OCRL: variants seen among roughly 807,000 people sequenced by gnomAD.
OCRL encodes inositol polyphosphate 5-phosphatase OCRL.
OCRL carries 8 observed loss-of-function variants against 78.9 expected under a neutral mutation model. That is an observed-to-expected ratio of 0.10 (90% CI 0.06 to 0.18). The LOEUF (loss-of-function observed/expected upper bound fraction) is 0.18. OCRL is among the 10% of genes least tolerant of loss of function. OCRL has a pLI of 1.00. For missense variants in OCRL, 454 were observed against 696.7 expected, an observed-to-expected ratio of 0.65 and a Z score of 3.92; for synonymous variants, 240 against 235.4, an observed-to-expected ratio of 1.02 and a Z score of -0.18.
chrX:129,583,080 A>G (rs1040372132), intron 18 of OCRL, among the ~76,000 whole-genome samples: 2 of 111,673 alleles, frequency 1.8e-5, no homozygotes, highest in African/African-American at 6.5e-5. Flanking sequence ...CCCATCACCC[A>G]TTGGTTTTAG....
chrX:129,551,712 G>A (rs1360370905), intron 4 of OCRL, among the ~76,000 whole-genome samples: 1 of 112,847 alleles, frequency 8.9e-6, no homozygotes. Context: ...GGGATTACAG[G>A]CGTGAGCCAC....
intron 18 of OCRL, among the ~76,000 whole-genome samples, chrX:129,579,735 T>C (rs1332158486): frequency 8.9e-6 from 1 of 112,273 alleles, no homozygotes; most frequent in East Asian, 2.8e-4. Context: ...GAATATTAAG[T>C]AGCAAATAAT....
At chrX:129,584,054 T>C (rs928720085) in intron 18 of OCRL, among the ~76,000 whole-genome samples, 2 of 111,634 alleles carry the variant, frequency 1.8e-5, no homozygotes, top group African/African-American at 6.5e-5. Context: ...TCAGGGGCAT[T>C]TGGCTGGGTC....
chrX:129,558,056 T>A (rs561478679), intron 6 of OCRL, 106 bp downstream of exon 6: 4 of 570,450 alleles, frequency 7.0e-6, no homozygotes, highest in South Asian at 6.9e-5. Flanking sequence ...TCAGACACAT[T>A]CTCCTGCAGA....
intron 23 of OCRL, 44 bp downstream of exon 23, chrX:129,590,000 C>CT: frequency 1.8e-6 from 2 of 1,131,669 alleles, no homozygotes; most frequent in Non-Finnish European, 2.4e-6. Flanking sequence ...TGAGAATACT[C>CT]TTAGTGCATT....
chrX:129,558,238 C>A lies in OCRL; in HGVS notation c.439+288C>A, dbSNP rs1173714980. Among the ~76,000 whole-genome samples, 4 of 111,846 alleles carry A rather than the reference C, an allele frequency of 3.6e-5. No homozygotes were observed. In the Admixed American group the frequency reaches 3.8e-4, roughly 11 times the overall value. ...AACTTACTAGTTGTACAACCTTCAT[C>A]AAGTTACTCAACAACTCTGAACTTC... On this transcript the variant is annotated intron_variant, in intron 6 of 23. Transcript: ENST00000371113.
At position 129,576,278 on chromosome X, in the gene OCRL, A is replaced by G. The variant is rs771108046; in HGVS notation, c.1880-39A>G. 3.0e-5 allele frequency: 34 copies of G among 1,125,769 alleles called. No homozygotes were observed. In the South Asian group the frequency reaches 5.8e-4, roughly 19 times the overall value. The allele number at this position is 1,125,769 out of a possible 1,213,427, so 92.8% of individuals were successfully genotyped here. A position where few individuals can be genotyped will look rare whatever the true frequency, so the allele number is the denominator to read the frequency against. Reference sequence around the variant, plus strand: ...ATACTCTTTTTTGCTTTCCCACTGGAGGTTTTCCTATTACCATGTATCATC... The same window carrying G: ...ATACTCTTTTTTGCTTTCCCACTGGGGGTTTTCCTATTACCATGTATCATC... On this transcript the variant is annotated intron_variant, in intron 17 of 23. Transcript: ENST00000371113.
chrX:129,567,386 A>C, intron 14 of OCRL, 23 bp downstream of exon 14: 450 of 1,011,580 alleles, frequency 4.4e-4, no homozygotes, highest in Non-Finnish European at 5.8e-4. Context: ...GAACCTTCTC[A>C]CAGAGAAGGT....
Position 129,589,825 on chromosome X carries a change from G to T in OCRL, c.2470-20G>T. On this transcript the variant is annotated intron_variant, in intron 22 of 23. Transcript: ENST00000371113. ...CTTCCACCTGTTTTTCTCACTGCCTGCCCCTATTTTTAAAAACAGGTGATC... is the reference window on the plus strand; with the variant it reads ...CTTCCACCTGTTTTTCTCACTGCCTTCCCCTATTTTTAAAAACAGGTGATC... The T allele has an allele frequency of 9.1e-7, 1 of 1,096,647 alleles. No homozygotes were observed. Among genetic ancestry groups the T allele is most frequent in the Non-Finnish European group, 1.3e-6 (1 of 790,750 alleles). 90.4% of individuals were successfully genotyped at this position (1,096,647 alleles called of 1,213,427 possible). A position where few individuals can be genotyped will look rare whatever the true frequency, so the allele number is the denominator to read the frequency against.
intron 15 of OCRL, among the ~76,000 whole-genome samples, chrX:129,570,242 T>C (rs1197915677): frequency 8.9e-6 from 1 of 112,250 alleles, no homozygotes; most frequent in Non-Finnish European, 1.9e-5. Flanking sequence ...ATGTATATAG[T>C]GCAGTGCTTA....
At chrX:129,555,476 A>T (rs1290624066) in intron 4 of OCRL, among the ~76,000 whole-genome samples, 1 of 111,825 alleles carries the variant, frequency 8.9e-6, no homozygotes, top group Admixed American at 9.5e-5. Flanking sequence ...TCCGTCTCAA[A>T]AAATAAATAA....
chrX:129,544,834 CA>C, intron 2 of OCRL, 123 bp from the exon 3 acceptor site: 1 of 521,275 alleles, frequency 1.9e-6, no homozygotes, highest in Non-Finnish European at 3.4e-6. Flanking sequence ...TGCTCAGATC[CA>C]GGGAACTAGA....
At chrX:129,584,508 C>G in intron 19 of OCRL, 141 bp downstream of exon 19, 1 of 546,787 alleles carries the variant, frequency 1.8e-6, no homozygotes, top group Non-Finnish European at 3.2e-6. Context: ...TGCCGGCTGT[C>G]CTTAAGTGTG....
At chrX:129,561,925 C>T (rs1936151253) in intron 10 of OCRL, among the ~76,000 whole-genome samples, 1 of 111,390 alleles carries the variant, frequency 9.0e-6, no homozygotes, top group Admixed American at 9.5e-5. Flanking sequence ...CATATAGGTC[C>T]CTGACTAATG....
intron 3 of OCRL, among the ~76,000 whole-genome samples, chrX:129,546,916 T>A (rs1438891847): frequency 1.8e-5 from 2 of 111,288 alleles, no homozygotes; most frequent in African/African-American, 6.5e-5. Context: ...TCCTGACCCC[T>A]GCATCTATTT....
At position 129,590,559 on chromosome X, in the gene OCRL, G is replaced by A; in HGVS notation, c.*289G>A. 6.5e-6 allele frequency: 2 copies of A among 306,567 alleles called. No individual in the cohort carries two copies. Among genetic ancestry groups the A allele is most frequent in the Admixed American group, 9.6e-5 (2 of 20,747 alleles). The allele number at this position is 306,567 out of a possible 1,213,427, so 25.3% of individuals were successfully genotyped here. ...CACTCCTTCACCTAGGGATGTGTTT[G>A]TTGCCCTCCTACCCAATTGTCATGA... is the stretch of plus-strand genomic sequence containing the variant. On this transcript the variant is annotated 3_prime_UTR_variant, in exon 24 of 24. Transcript: ENST00000371113.
chrX:129,589,814 T>C, intron 22 of OCRL, 31 bp from the exon 23 acceptor site: 1 of 1,030,060 alleles, frequency 9.7e-7, no homozygotes, highest in Non-Finnish European at 1.4e-6. Flanking sequence ...CACCTGTTTT[T>C]CTCACTGCCT....
intron 4 of OCRL, among the ~76,000 whole-genome samples, chrX:129,551,687 G>T (rs186359494): frequency 7.1e-5 from 8 of 112,619 alleles, no homozygotes; most frequent in African/African-American, 2.6e-4. Flanking sequence ...GCCCGCCTTG[G>T]CCTCCCAAAG....
intron 15 of OCRL, among the ~76,000 whole-genome samples, chrX:129,570,282 G>T (rs1936282045): frequency 8.9e-6 from 1 of 111,931 alleles, no homozygotes; most frequent in African/African-American, 3.2e-5. Flanking sequence ...AGACTTCTGG[G>T]ATTTGCATCC....
Sources: allele counts gnomAD v4.1 joint callset (sites outside exome capture counted in the v4.1 genomes callset), GRCh38; gene constraint gnomAD v4.1.1; transcripts MANE v1.5; gene names NCBI Gene and HGNC (gene_info 2026-07-23, HGNC 2026-07-21).